Variants in EGFR observed in about 807,000 individuals in gnomAD.
The protein encoded by EGFR is epidermal growth factor receptor.
In EGFR, 58 loss-of-function variants were observed where a neutral mutation model predicts 143.0. That is an observed-to-expected ratio of 0.41 (90% confidence interval 0.33 to 0.50). EGFR has a LOEUF of 0.50. Among genes scored for constraint, EGFR ranks in the 20% least tolerant of loss-of-function variants. The probability of loss-of-function intolerance (pLI) is 0.39; values close to 1 mark genes in which losing one functional copy is unlikely to be tolerated. For missense variants in EGFR, 1,307 were observed against 1,579.0 expected, an observed-to-expected ratio of 0.83 and a Z score of 2.92; for synonymous variants, 613 against 594.4, an observed-to-expected ratio of 1.03 and a Z score of -0.45.
At chr7:55,165,697 G>A (rs1197937996) in intron 15 of EGFR, among the ~76,000 whole-genome samples, 1 of 152,206 alleles carries the variant, frequency 6.6e-6, no homozygotes, top group African/African-American at 2.4e-5. Context: ...GGAGGGTAGG[G>A]GGACAAAAGA....
chr7:55,023,692 T>C (rs918653927), intron 1 of EGFR, among the ~76,000 whole-genome samples: 4 of 150,684 alleles, frequency 2.7e-5, no homozygotes, highest in African/African-American at 9.8e-5. Context: ...CTCAGATCCA[T>C]TCCATTTTTG....
chr7:55,123,244 G>A (rs915417816), intron 1 of EGFR, among the ~76,000 whole-genome samples: 8 of 152,268 alleles, frequency 5.3e-5, no homozygotes, highest in African/African-American at 1.4e-4. Flanking sequence ...AACATAGTAC[G>A]TTTCAGATTA....
chr7:55,055,822 C>A (rs1464287307), intron 1 of EGFR, among the ~76,000 whole-genome samples: 3 of 151,974 alleles, frequency 2.0e-5, no homozygotes, highest in African/African-American at 7.3e-5. Context: ...CTTTGTGCAC[C>A]TCTGCTTTCT....
chr7:55,037,493 T>G (rs1166112027), intron 1 of EGFR, among the ~76,000 whole-genome samples: 1 of 152,210 alleles, frequency 6.6e-6, no homozygotes, highest in Admixed American at 6.5e-5. Flanking sequence ...GCAGCACTCT[T>G]CACAGCTTCC....
intron 1 of EGFR, among the ~76,000 whole-genome samples, chr7:55,127,462 A>AC (rs1410942260): frequency 8.9e-4 from 103 of 115,758 alleles, no homozygotes; most frequent in African/African-American, 3.4e-3. Context: ...CCACCCCCTC[A>AC]CCCCCCACCA....
chr7:55,128,770 A>G (rs916432707), intron 1 of EGFR, among the ~76,000 whole-genome samples: 4 of 152,238 alleles, frequency 2.6e-5, no homozygotes, highest in African/African-American at 7.2e-5. Flanking sequence ...CTATTAAGCT[A>G]GTAGGATGTG....
At chr7:55,159,769 G>T (rs1562770230) in intron 11 of EGFR, among the ~76,000 whole-genome samples, 2 of 152,316 alleles carry the variant, frequency 1.3e-5, no homozygotes, top group South Asian at 2.1e-4. Context: ...GGGACAGGTT[G>T]GGTGGTGGAT....
intron 19 of EGFR, among the ~76,000 whole-genome samples, chr7:55,176,833 G>GAT (rs1217626594): frequency 1.5e-5 from 1 of 65,818 alleles, no homozygotes; most frequent in African/African-American, 4.8e-5. Context: ...TATTTAGAGA[G>GAT]ATATATATTT....
intron 1 of EGFR, among the ~76,000 whole-genome samples, chr7:55,042,640 C>T (rs1787960571): frequency 6.6e-6 from 1 of 151,980 alleles, no homozygotes; most frequent in Non-Finnish European, 1.5e-5. Context: ...CGTTATAAAG[C>T]TCGAAAATAT....
intron 13 of EGFR, among the ~76,000 whole-genome samples, chr7:55,162,857 C>T (rs968593525): frequency 6.6e-6 from 1 of 152,168 alleles, no homozygotes; most frequent in Non-Finnish European, 1.5e-5. Flanking sequence ...GTGATGTGAT[C>T]TCAACTCACT....
chr7:55,029,559 G>T (rs997043757), intron 1 of EGFR, among the ~76,000 whole-genome samples: 2 of 152,014 alleles, frequency 1.3e-5, no homozygotes, highest in Non-Finnish European at 1.5e-5. Flanking sequence ...GAAAAACTTT[G>T]TCAAATGACT....
At chr7:55,096,642 C>T (rs1033266599) in intron 1 of EGFR, among the ~76,000 whole-genome samples, 3 of 152,134 alleles carry the variant, frequency 2.0e-5, no homozygotes. Flanking sequence ...TTCCCGGCCA[C>T]GCAGCCCTGT....
At chr7:55,166,752 GA>G (rs1404988169) in intron 15 of EGFR, among the ~76,000 whole-genome samples, 30 of 140,762 alleles carry the variant, frequency 2.1e-4, no homozygotes, top group African/African-American at 7.8e-4. Flanking sequence ...TGATGGTGTT[GA>G]TGGTGGTGAG....
Position 55,181,543 on chromosome 7 carries a change from G to A in EGFR, c.2469+65G>A, listed in dbSNP as rs1010650330. 72 of 1,599,122 alleles carry A rather than the reference G, an allele frequency of 4.5e-5. No individual in the cohort carries two copies. The South Asian group carries it at 4.9e-4, about 11-fold the overall frequency. ...GCCAGGATCCTCACATGCGGTCTGCGCTCCTGGGATAGCAAGAGTTTGCCA... is the reference window on the plus strand; with the variant it reads ...GCCAGGATCCTCACATGCGGTCTGCACTCCTGGGATAGCAAGAGTTTGCCA... On this transcript the variant is annotated intron_variant, in intron 20 of 27. Transcript: ENST00000275493.
At chr7:55,198,006 G>C (rs1164263369) in intron 22 of EGFR, among the ~76,000 whole-genome samples, 5 of 152,076 alleles carry the variant, frequency 3.3e-5, no homozygotes, top group African/African-American at 7.2e-5. Flanking sequence ...GGATGACATT[G>C]GCCTCATAGA....
intron 21 of EGFR, 43 bp downstream of exon 21, chr7:55,191,917 A>G (rs1296113321): frequency 1.2e-6 from 2 of 1,610,378 alleles, no homozygotes; most frequent in Non-Finnish European, 1.7e-6. Flanking sequence ...TCCTGACACC[A>G]GGGACCAGGC....
rs1381057260 is a variant in EGFR at position 55,019,322 on chromosome 7, G to T, written c.45G>T (p.Leu15=). Residue 15 remains leucine (L), a synonymous_variant, in exon 1 of 28, where the codon CTG becomes CTT. Transcript: ENST00000275493. ...CCGGGGCAGCGCTCCTGGCGCTGCT[G>T]GCTGCGCTCTGCCCGGCGAGTCGGG... is the stretch of plus-strand genomic sequence containing the variant. ...GTAGAALLAL[L]AALCPASRAL... The T allele has an allele frequency of 1.3e-6, 2 of 1,523,230 alleles. No individual in the cohort carries two copies. The highest frequency in any genetic ancestry group is 1.4e-5 in the African/African-American group (1 of 69,576). 94.4% of individuals were successfully genotyped at this position (1,523,230 alleles called of 1,614,324 possible). A position where few individuals can be genotyped will look rare whatever the true frequency, so the allele number is the denominator to read the frequency against.
chr7:55,077,768 G>A (rs1264016218), intron 1 of EGFR, among the ~76,000 whole-genome samples: 1 of 152,090 alleles, frequency 6.6e-6, no homozygotes. Flanking sequence ...GGTGCTTGGG[G>A]AAAAAATGGG....
chr7:55,202,183 G>A lies in EGFR; in HGVS notation c.3163-334G>A, dbSNP rs17290734. 0.042 allele frequency among the ~76,000 whole-genome samples: 6,431 copies of A among 152,296 alleles called. 450 individuals are homozygous for A. Among genetic ancestry groups the A allele is most frequent in the African/African-American group, 0.15 (6,042 of 41,544 alleles). ...TGGCTACTTCAACTTAAATGTTAAT[G>A]AGTTAAAATGAAATAAAATATAAAA... On this transcript the variant is annotated intron_variant, in intron 26 of 27. Coordinates refer to ENST00000275493, the MANE Select transcript of EGFR (RefSeq NM_005228.5).
Sources: allele counts gnomAD v4.1 joint callset (sites outside exome capture counted in the v4.1 genomes callset), GRCh38; gene constraint gnomAD v4.1.1; transcripts MANE v1.5; gene names NCBI Gene and HGNC (gene_info 2026-07-23, HGNC 2026-07-21).